The following ZHX2 variants were observed in gnomAD, a reference collection of about 807,000 sequenced individuals.
ZHX2 encodes the protein zinc fingers and homeoboxes 2.
Under a neutral mutation model 21.9 loss-of-function variants are expected in ZHX2, and 6 were observed. The ratio of observed to expected loss-of-function variants is 0.27; its 90% CI spans 0.15 to 0.54. The LOEUF is 0.54. ZHX2 is among the 20% of genes least tolerant of loss of function. The pLI is 0.95. For synonymous variants in ZHX2, 434 were observed against 437.1 expected (o/e 0.99, Z 0.09); for missense variants, 908 against 1,090.7 (o/e 0.83, Z 2.36).
intron 2 of ZHX2, among the ~76,000 whole-genome samples, chr8:122,871,830 T>C (rs1819449432): frequency 6.6e-6 from 1 of 151,502 alleles, no homozygotes; most frequent in South Asian, 2.1e-4. Context: ...TTAGGATTAG[T>C]GTTTATCATC....
At chr8:122,841,440 CA>C (rs1474420666) in intron 1 of ZHX2, among the ~76,000 whole-genome samples, 2 of 152,076 alleles carry the variant, frequency 1.3e-5, no homozygotes, top group Non-Finnish European at 2.9e-5. Flanking sequence ...AGGTGCCAGA[CA>C]TTTTGGGGTT....
chr8:122,804,922 C>T (rs1024874513), intron 1 of ZHX2, among the ~76,000 whole-genome samples: 1 of 152,216 alleles, frequency 6.6e-6, no homozygotes, highest in South Asian at 2.1e-4. Flanking sequence ...ACACAGCGGC[C>T]ACTCTGTTGC....
At position 122,889,378 on chromosome 8, in the gene ZHX2, C is replaced by T. The variant is rs1819922305; in HGVS notation, c.-220+25839C>T. On this transcript the variant is annotated intron_variant, in intron 2 of 3. Transcript: ENST00000314393. ...AAGGGTTCCCATTTCCCTGCATCCTCACCAGCATTTGTTATTTTTTGTCTT... is the reference window on the plus strand; with the variant it reads ...AAGGGTTCCCATTTCCCTGCATCCTTACCAGCATTTGTTATTTTTTGTCTT... Among the ~76,000 whole-genome samples the T allele has an allele frequency of 2.0e-5, 3 of 152,310 alleles. No individual in the cohort carries two copies. In the South Asian group the frequency reaches 6.2e-4, roughly 32 times the overall value.
chr8:122,908,811 C>T (rs1228529995), intron 2 of ZHX2, among the ~76,000 whole-genome samples: 2 of 152,120 alleles, frequency 1.3e-5, no homozygotes, highest in Non-Finnish European at 2.9e-5. Context: ...TTGCACCTTC[C>T]AAAAAAGAAG....
intron 1 of ZHX2, among the ~76,000 whole-genome samples, chr8:122,848,250 C>T (rs747839056): frequency 6.6e-6 from 1 of 152,012 alleles, no homozygotes; most frequent in African/African-American, 2.4e-5. Context: ...GAAGGGTCTC[C>T]GAACCAGAGA....
At chr8:122,922,815 A>C (rs1185657756) in intron 2 of ZHX2, among the ~76,000 whole-genome samples, 2 of 152,230 alleles carry the variant, frequency 1.3e-5, no homozygotes, top group East Asian at 3.8e-4. Flanking sequence ...GGGGTTGTAA[A>C]GTTTAACAGT....
intron 1 of ZHX2, chr8:122,815,511 A>T (rs917207857): frequency 6.5e-6 from 1 of 153,736 alleles, no homozygotes; most frequent in Admixed American, 6.5e-5. Flanking sequence ...ATAAAGTTGA[A>T]CAAATGAAGA....
intron 3 of ZHX2, among the ~76,000 whole-genome samples, chr8:122,962,068 C>T (rs1813465881): frequency 6.6e-6 from 1 of 152,176 alleles, no homozygotes; most frequent in Admixed American, 6.5e-5. Context: ...TGAGCACTCA[C>T]TGTTCCAGGC....
chr8:122,833,861 G>T (rs1010209064), intron 1 of ZHX2, among the ~76,000 whole-genome samples: 1 of 152,172 alleles, frequency 6.6e-6, no homozygotes, highest in Admixed American at 6.5e-5. Context: ...GCCGGGCGTG[G>T]TGGTGGGCGC....
intron 2 of ZHX2, among the ~76,000 whole-genome samples, chr8:122,909,022 GT>G (rs1820414025): frequency 6.6e-6 from 1 of 152,162 alleles, no homozygotes; most frequent in African/African-American, 2.4e-5. Context: ...CTTCTACCAG[GT>G]TCCAGAAATC....
chr8:122,836,288 C>T (rs1450470199), intron 1 of ZHX2, among the ~76,000 whole-genome samples: 1 of 152,096 alleles, frequency 6.6e-6, no homozygotes, highest in Non-Finnish European at 1.5e-5. Flanking sequence ...ACAGGGCTCC[C>T]GGGAAAACTT....
chr8:122,939,142 T>C (rs191256644), intron 2 of ZHX2, among the ~76,000 whole-genome samples: 1 of 152,336 alleles, frequency 6.6e-6, no homozygotes, highest in African/African-American at 2.4e-5. Flanking sequence ...CAGAACCAAA[T>C]ATACTCAAAT....
At chr8:122,792,991 G>A (rs1211318285) in intron 1 of ZHX2, among the ~76,000 whole-genome samples, 2 of 152,140 alleles carry the variant, frequency 1.3e-5, no homozygotes, top group African/African-American at 2.4e-5. Flanking sequence ...TGGCCATACC[G>A]CTGCCCCTTC....
chr8:122,918,723 G>A (rs1490262414), intron 2 of ZHX2, among the ~76,000 whole-genome samples: 1 of 152,090 alleles, frequency 6.6e-6, no homozygotes, highest in Non-Finnish European at 1.5e-5. Flanking sequence ...GAGGCATGTG[G>A]ATCACAAGGT....
chr8:122,810,293 G>T (rs1352249363), intron 1 of ZHX2, among the ~76,000 whole-genome samples: 1 of 152,146 alleles, frequency 6.6e-6, no homozygotes, highest in African/African-American at 2.4e-5. Context: ...AGTAACACCT[G>T]CTTCCTTGGC....
At chr8:122,780,562 T>C (rs1286743069), upstream of ZHX2, 1 of 152,266 alleles carries the variant, frequency 6.6e-6, no homozygotes, top group Non-Finnish European at 1.5e-5. Flanking sequence ...CCCGAATTCC[T>C]TAGAGCTCTT....
intron 1 of ZHX2, among the ~76,000 whole-genome samples, chr8:122,837,301 A>T (rs964649295): frequency 6.6e-6 from 1 of 152,114 alleles, no homozygotes; most frequent in African/African-American, 2.4e-5. Flanking sequence ...CTCTCTTGGG[A>T]TCTAGATCTG....
intron 2 of ZHX2, among the ~76,000 whole-genome samples, chr8:122,947,356 T>C (rs1255085889): frequency 6.6e-6 from 1 of 152,194 alleles, no homozygotes; most frequent in Non-Finnish European, 1.5e-5. Flanking sequence ...ATGTCCTTCA[T>C]TGTATTAGAC....
At chr8:122,893,385 C>A in intron 2 of ZHX2, among the ~76,000 whole-genome samples, 1 of 152,168 alleles carries the variant, frequency 6.6e-6, no homozygotes, top group East Asian at 1.9e-4. Flanking sequence ...AAGTTTTCAT[C>A]TATTATTTCA....
Sources: allele counts gnomAD v4.1 joint callset (sites outside exome capture counted in the v4.1 genomes callset), GRCh38; gene constraint gnomAD v4.1.1; transcripts MANE v1.5; gene names NCBI Gene and HGNC (gene_info 2026-07-23, HGNC 2026-07-21).